DOCK8: variants seen among roughly 807,000 people sequenced by gnomAD.
The protein encoded by DOCK8 is dedicator of cytokinesis 8.
Under a neutral mutation model 245.6 loss-of-function variants are expected in DOCK8, and 141 were observed. That is an observed-to-expected ratio of 0.57 (90% CI 0.50 to 0.66). DOCK8 has a LOEUF of 0.66. Among genes scored for constraint, DOCK8 ranks in the 30% least tolerant of loss-of-function variants. DOCK8 has a pLI of 0.00. For missense variants in DOCK8, 2,965 were observed against 2,603.4 expected (o/e 1.14, Z -3.02); for synonymous variants, 1,168 against 970.2 (o/e 1.20, Z -3.79).
chr9:327,397 T>C (rs1359454635), intron 8 of DOCK8, among the ~76,000 whole-genome samples: 1 of 150,658 alleles, frequency 6.6e-6, no homozygotes, highest in Admixed American at 6.6e-5. Flanking sequence ...CTCACCTTTT[T>C]TTTTTTTTTT....
intron 1 of DOCK8, among the ~76,000 whole-genome samples, chr9:231,580 G>A (rs2047118680): frequency 6.6e-6 from 1 of 152,052 alleles, no homozygotes; most frequent in African/African-American, 2.4e-5. Flanking sequence ...ATTTCATTGA[G>A]CAGTGGTTTG....
chr9:316,464 C>G (rs1039384725), intron 6 of DOCK8, among the ~76,000 whole-genome samples: 7 of 152,088 alleles, frequency 4.6e-5, no homozygotes, highest in African/African-American at 1.7e-4. Flanking sequence ...ATTTCATATA[C>G]CTAGCACTTT....
chr9:456,696 G>A (rs1283000328), intron 46 of DOCK8: 1 of 152,140 alleles, frequency 6.6e-6, no homozygotes, highest in Non-Finnish European at 1.5e-5. Context: ...ATCAGCTTCT[G>A]TCTTTTCCTG....
chr9:434,539 T>C (rs2056828892), intron 38 of DOCK8, among the ~76,000 whole-genome samples: 1 of 152,156 alleles, frequency 6.6e-6, no homozygotes, highest in Non-Finnish European at 1.5e-5. Context: ...CAGGTATTTT[T>C]TCCCCATAAG....
rs955568624 is a variant in DOCK8 at position 443,440 on chromosome 9, A to C, written c.5504A>C (p.Gln1835Pro). The C allele has an allele frequency of 2.5e-6, 4 of 1,614,082 alleles. No individual in the cohort carries two copies. In the East Asian group the frequency reaches 6.7e-5, roughly 27 times the overall value. The change falls in exon 43 of 48, where the codon CAA (glutamine) becomes CCA (proline). Residue 1835 changes from glutamine (Q) to proline (P), a missense_variant. Gln to Pro is a moderately conservative substitution (Grantham distance 76). Transcript: ENST00000432829. ...ISHRLEAFYG[Q>P]CFGAEFVEVI... ...CTTCTTACCTAGGCATTTTATGGTCAATGTTTTGGTGCAGAATTTGTGGAA... is the reference window on the plus strand; with the variant it reads ...CTTCTTACCTAGGCATTTTATGGTCCATGTTTTGGTGCAGAATTTGTGGAA...
chr9:337,877 C>T (rs956401539), intron 12 of DOCK8, among the ~76,000 whole-genome samples: 1 of 152,222 alleles, frequency 6.6e-6, no homozygotes, highest in African/African-American at 2.4e-5. Flanking sequence ...TAAGATGGGC[C>T]GGGCGCAGTG....
chr9:379,816 A>G lies in DOCK8; in HGVS notation c.2486A>G (p.Asn829Ser). 6.2e-7 allele frequency: 1 copy of G among 1,614,220 alleles called. No individual in the cohort carries two copies. Among genetic ancestry groups the G allele is most frequent in the Non-Finnish European group, 8.5e-7 (1 of 1,180,042 alleles). The change falls in exon 21 of 48, where the codon AAC becomes AGC. Residue 829 changes from asparagine (N) to serine (S), a missense_variant. This residue lies in a region of DOCK8 where 2,825 missense variants were observed against 2,453.5 expected (regional missense o/e 1.15). Transcript: ENST00000432829. ...TTCGAGTCCGTGGTGGCCATCGCCA[A>G]CAGTCTGCACAACAGCAAGGACCTG... ...FAFESVVAIA[N>S]SLHNSKDLSK...
intron 7 of DOCK8, among the ~76,000 whole-genome samples, chr9:323,429 G>A (rs1408059867): frequency 6.6e-6 from 1 of 151,852 alleles, no homozygotes; most frequent in Non-Finnish European, 1.5e-5. Flanking sequence ...CACCGTGTTG[G>A]CCAGGCTGGT....
intron 2 of DOCK8, among the ~76,000 whole-genome samples, chr9:278,511 C>CAGACGCAGACAAATAGAAAATAGACAAAT (rs1483411138): frequency 6.6e-6 from 1 of 152,192 alleles, no homozygotes; most frequent in Non-Finnish European, 1.5e-5. Flanking sequence ...GAATGAGGGA[C>CAGACGCAGACAAATAGAAAATAGACAAAT]AGACGCAGAC....
chr9:279,244 G>A (rs2048476616), intron 2 of DOCK8, among the ~76,000 whole-genome samples: 1 of 152,192 alleles, frequency 6.6e-6, no homozygotes. Flanking sequence ...GGAAAGTTGA[G>A]TTAGTTTTGA....
chr9:450,745 G>A (rs147452628), intron 45 of DOCK8, among the ~76,000 whole-genome samples: 2 of 151,770 alleles, frequency 1.3e-5, no homozygotes, highest in South Asian at 2.1e-4. Flanking sequence ...ATGAGGAAAC[G>A]TTTGCCTTTG....
intron 46 of DOCK8, 74 bp downstream of exon 46, chr9:452,191 G>C: frequency 1.0e-6 from 1 of 953,258 alleles, no homozygotes; most frequent in Non-Finnish European, 1.6e-6. Flanking sequence ...AGCAGCTTCA[G>C]CATCACCTGA....
intron 39 of DOCK8, among the ~76,000 whole-genome samples, chr9:438,272 A>G (rs572353206): frequency 2.6e-5 from 4 of 152,368 alleles, no homozygotes; most frequent in South Asian, 2.1e-4. Flanking sequence ...CTGGAGAACT[A>G]TGCTTAAGAA....
intron 2 of DOCK8, among the ~76,000 whole-genome samples, chr9:279,743 A>G (rs1420094751): frequency 2.6e-5 from 4 of 152,210 alleles, no homozygotes; most frequent in Admixed American, 6.5e-5. Context: ...ACAGCCAAGT[A>G]AATGTGAGGA....
rs923212643 is a variant in DOCK8, at chr9:241,579, C to T, written c.53+26550C>T. Among the ~76,000 whole-genome samples, 9 of 152,244 alleles carry T rather than the reference C, an allele frequency of 5.9e-5. No individual in the cohort carries two copies. The South Asian group carries it at 8.3e-4, about 14-fold the overall frequency. On this transcript the variant is annotated intron_variant, in intron 1 of 47. Coordinates refer to ENST00000432829, the MANE Select transcript of DOCK8 (RefSeq NM_203447.4). The stretch of plus-strand genomic sequence containing the variant: ...CAGGATTTCATTTTTTAATGGATAC[C>T]ATTCCAGTGTGTATCTATCCCACAT...
chr9:391,025 C>G (rs185390835), intron 24 of DOCK8, among the ~76,000 whole-genome samples: 350 of 152,284 alleles, frequency 2.3e-3, no homozygotes, highest in Non-Finnish European at 3.0e-3. Flanking sequence ...GTTTTCCTCC[C>G]TCTCTAACCT....
intron 1 of DOCK8, 181 bp downstream of exon 1, chr9:215,210 C>T: frequency 2.0e-6 from 3 of 1,533,200 alleles, no homozygotes; most frequent in East Asian, 2.6e-5. Flanking sequence ...CGCGCGGCGG[C>T]TCCTGCGCTG....
rs2055026295 is a variant in DOCK8 at position 400,958 on chromosome 9, A to ACCACCTCCACCACCT, written c.3234+1704_3234+1705insTCCACCACCTCCACC. Among the ~76,000 whole-genome samples, 3 of 67,820 alleles carry ACCACCTCCACCACCT rather than the reference A, an allele frequency of 4.4e-5. 1 individual carries two copies. Among genetic ancestry groups the ACCACCTCCACCACCT allele is most frequent in the Non-Finnish European group, 7.0e-5 (3 of 42,958 alleles). The allele number at this position is 67,820 out of a possible 152,430, so 44.5% of individuals were successfully genotyped here. On this transcript the variant is annotated intron_variant, in intron 26 of 47. Transcript: ENST00000432829. ...ATCCACCACCACCATCACCACCACCACCACCACCTCCTCCACCATCACCAC... is the reference window on the plus strand; with the variant it reads ...ATCCACCACCACCATCACCACCACCACCACCTCCACCACCTCCACCACCTCCTCCACCATCACCAC...
Position 353,362 on chromosome 9 carries a change from G to A in DOCK8, c.1679+13041G>A, listed in dbSNP as rs192774912. ...TTTCTTCCCCAACCCAAACCAAGGC[G>A]TCTGGCAATGTTAAAAACATCAAGA... On this transcript the variant is annotated intron_variant, in intron 14 of 47. Coordinates refer to ENST00000432829, the MANE Select transcript of DOCK8 (RefSeq NM_203447.4). Among the ~76,000 whole-genome samples, 365 of 152,204 alleles carry A rather than the reference G, an allele frequency of 2.4e-3. 3 individuals carry two copies. Among genetic ancestry groups the A allele is most frequent in the East Asian group, 1.2e-3 (6 of 5,188 alleles).
Sources: gnomAD v4.1 joint callset for allele counts (sites outside exome capture counted in the v4.1 genomes callset) on GRCh38, gnomAD v4.1.1 for gene constraint, gnomAD v4.1.1 regional missense constraint, MANE v1.5 for transcripts, NCBI Gene and HGNC (gene_info 2026-07-23, HGNC 2026-07-21) for gene names.